The following TNKS variants were observed in gnomAD, a reference collection of about 807,000 sequenced individuals.
The protein encoded by TNKS is tankyrase.
Under a neutral mutation model 135.8 loss-of-function variants are expected in TNKS, and 72 were observed. The observed-to-expected ratio is 0.53, with a 90% CI of 0.44 to 0.64. TNKS has a LOEUF of 0.64. Ranked by LOEUF, TNKS falls within the 30% of genes least tolerant of loss-of-function variation. The pLI is 0.00. For synonymous variants in TNKS, 849 were observed against 649.3 expected (o/e 1.31, Z -4.68); for missense variants, 1,769 against 1,674.0 (o/e 1.06, Z -0.99).
At chr8:9,599,577 T>G (rs1159937093) in intron 2 of TNKS, among the ~76,000 whole-genome samples, 1 of 152,232 alleles carries the variant, frequency 6.6e-6, no homozygotes, top group Non-Finnish European at 1.5e-5. Flanking sequence ...GAGAGATACT[T>G]TGTTACACTC....
chr8:9,596,050 G>T (rs1563103942), intron 2 of TNKS, among the ~76,000 whole-genome samples: 1 of 152,174 alleles, frequency 6.6e-6, no homozygotes, highest in Non-Finnish European at 1.5e-5. Flanking sequence ...GGTACAGGTT[G>T]CAGTGAGCCA....
At chr8:9,595,494 T>C (rs1161448330) in intron 2 of TNKS, among the ~76,000 whole-genome samples, 1 of 152,058 alleles carries the variant, frequency 6.6e-6, no homozygotes, top group East Asian at 1.9e-4. Context: ...TGCATTTACC[T>C]GATAAAATTG....
intron 3 of TNKS, among the ~76,000 whole-genome samples, chr8:9,648,260 T>C (rs961379125): frequency 6.6e-6 from 1 of 152,236 alleles, no homozygotes. Context: ...TAGCTTCCTG[T>C]AACTTTTTTC....
At chr8:9,594,675 A>G (rs1185475640) in intron 2 of TNKS, among the ~76,000 whole-genome samples, 1 of 152,212 alleles carries the variant, frequency 6.6e-6, no homozygotes, top group African/African-American at 2.4e-5. Flanking sequence ...AAGGCTTCTA[A>G]GAATTATTTA....
At chr8:9,663,850 A>C (rs1032347803) in intron 3 of TNKS, among the ~76,000 whole-genome samples, 1 of 152,150 alleles carries the variant, frequency 6.6e-6, no homozygotes, top group Non-Finnish European at 1.5e-5. Flanking sequence ...CCAGTGCTCC[A>C]CCTTCCTAGC....
intron 1 of TNKS, among the ~76,000 whole-genome samples, chr8:9,578,525 A>G (rs1431831214): frequency 6.6e-6 from 1 of 152,248 alleles, no homozygotes; most frequent in Non-Finnish European, 1.5e-5. Context: ...CTGACTTTGT[A>G]ATACATATCT....
Position 9,771,487 on chromosome 8 carries a change from AAG to A in TNKS, c.3897+1229_3897+1230del, listed in dbSNP as rs534844172. Among the ~76,000 whole-genome samples the A allele has an allele frequency of 2.2e-4, 28 of 124,818 alleles. No homozygotes were observed. In the South Asian group the frequency reaches 8.5e-3, roughly 38 times the overall value. The allele number at this position is 124,818 out of a possible 152,430, so 81.9% of individuals were successfully genotyped here. The stretch of plus-strand genomic sequence containing the variant: ...GGAGGGAGAGAAGAAGGAAGGGGGA[AAG>A]AGATAAAGGGAAGGAAAGAACGGGA... On this transcript the variant is annotated intron_variant, in intron 26 of 26. Coordinates refer to ENST00000310430, the MANE Select transcript of TNKS (RefSeq NM_003747.3).
chr8:9,767,622 G>A lies in TNKS; in HGVS notation c.3740+1197G>A, dbSNP rs544362176. On this transcript the variant is annotated intron_variant, in intron 25 of 26. Transcript: ENST00000310430. The stretch of plus-strand genomic sequence containing the variant: ...ATTTGGAGTCGGATGTCATATACCC[G>A]GAAGGAAACTTCCTTCCATTAAGAC... Among the ~76,000 whole-genome samples the A allele has an allele frequency of 3.9e-5, 6 of 152,140 alleles. No homozygotes were observed. In the South Asian group the frequency reaches 8.3e-4, roughly 21 times the overall value.
At chr8:9,556,835 A>C (rs1442305536) in intron 1 of TNKS, 2 of 592,838 alleles carry the variant, frequency 3.4e-6, no homozygotes, top group African/African-American at 1.9e-5. Context: ...GTGGTTGCAC[A>C]GTACTCATTA....
chr8:9,757,330 C>G (rs1461411637), intron 20 of TNKS, among the ~76,000 whole-genome samples: 1 of 152,150 alleles, frequency 6.6e-6, no homozygotes, highest in Non-Finnish European at 1.5e-5. Context: ...CTTTAAGATC[C>G]TCTCTGTGCC....
intron 5 of TNKS, among the ~76,000 whole-genome samples, chr8:9,682,900 C>G (rs995139830): frequency 3.3e-5 from 5 of 151,488 alleles, no homozygotes; most frequent in Admixed American, 2.0e-4. Context: ...AAGAACGTAC[C>G]TCAAGCATTA....
At chr8:9,682,998 T>TC (rs1302793200) in intron 5 of TNKS, among the ~76,000 whole-genome samples, 6 of 152,032 alleles carry the variant, frequency 3.9e-5, no homozygotes, top group Non-Finnish European at 8.8e-5. Context: ...AGGGTTTTTT[T>TC]CAAATTAAAT....
chr8:9,669,345 GA>G (rs1802159973), intron 3 of TNKS, among the ~76,000 whole-genome samples: 3 of 151,106 alleles, frequency 2.0e-5, no homozygotes, highest in Admixed American at 1.3e-4. Context: ...GTGAACCCGG[GA>G]AGCGGAGCTT....
intron 14 of TNKS, 107 bp downstream of exon 14, chr8:9,731,142 T>C (rs958530251): frequency 1.4e-5 from 18 of 1,288,884 alleles, no homozygotes; most frequent in Non-Finnish European, 1.7e-5. Flanking sequence ...GTAATCGTTA[T>C]TTTTTGTTTA....
rs764725827 is a variant in TNKS at position 9,748,167 on chromosome 8, C to T, written c.2787C>T (p.Pro929=). The T allele has an allele frequency of 1.3e-6, 2 of 1,589,948 alleles. No individual in the cohort carries two copies. The highest frequency in any genetic ancestry group is 1.4e-5 in the African/African-American group (1 of 73,954). The part of the protein sequence containing the change: ...CALLLAHGAD[P]TMKNQEGQTP... ...TCCTCCTAGCGCATGGTGCAGACCC[C>T]ACCATGAAGAACCAGGAAGGCCAGA... The change falls in exon 18 of 27, where the codon CCC becomes CCT. Residue 929 remains proline (P), a synonymous_variant. Transcript: ENST00000310430.
At chr8:9,626,306 C>T (rs1292424371) in intron 3 of TNKS, among the ~76,000 whole-genome samples, 2 of 152,062 alleles carry the variant, frequency 1.3e-5, no homozygotes, top group Non-Finnish European at 2.9e-5. Context: ...AACTGAATTC[C>T]TTTTAGATGG....
At chr8:9,699,164 G>A (rs549814595) in intron 5 of TNKS, among the ~76,000 whole-genome samples, 12 of 152,300 alleles carry the variant, frequency 7.9e-5, no homozygotes, top group Middle Eastern at 3.4e-3. Flanking sequence ...ATCAAATTAC[G>A]TAGCAACATG....
chr8:9,708,630 G>A, intron 9 of TNKS, 138 bp downstream of exon 9: 1 of 967,974 alleles, frequency 1.0e-6, no homozygotes, highest in Middle Eastern at 3.9e-4. Context: ...TGGTTGCATT[G>A]ATTTTTAAAC....
chr8:9,671,758 G>C (rs977790270), intron 3 of TNKS, among the ~76,000 whole-genome samples: 4 of 152,256 alleles, frequency 2.6e-5, no homozygotes, highest in Non-Finnish European at 5.9e-5. Flanking sequence ...ATTATACTTC[G>C]AAAAATGAAT....
Sources: gnomAD v4.1 joint callset for allele counts (sites outside exome capture counted in the v4.1 genomes callset) on GRCh38, gnomAD v4.1.1 for gene constraint, MANE v1.5 for transcripts, NCBI Gene and HGNC (gene_info 2026-07-23, HGNC 2026-07-21) for gene names.